The following MAMDC2 variants were observed in gnomAD, a reference collection of about 807,000 sequenced individuals.
MAMDC2 encodes MAM domain-containing protein 2.
In MAMDC2, 57 loss-of-function variants were observed where a neutral mutation model predicts 89.8. That is an observed-to-expected ratio of 0.63 (90% CI 0.51 to 0.79). The LOEUF (loss-of-function observed/expected upper bound fraction) is 0.79, where lower values mean the gene tolerates loss of function less well. Among genes scored for constraint, MAMDC2 ranks in the 30% least tolerant of loss-of-function variants. MAMDC2 has a pLI of 0.00. For synonymous variants in MAMDC2, 313 were observed against 293.4 expected (o/e 1.07, Z -0.68); for missense variants, 800 against 820.6 (o/e 0.97, Z 0.31).
chr9:70,074,590 C>A (rs1292235932), intron 2 of MAMDC2, among the ~76,000 whole-genome samples: 1 of 152,156 alleles, frequency 6.6e-6, no homozygotes, highest in Non-Finnish European at 1.5e-5. Context: ...TTCCCAGCCG[C>A]CACCAAGGCA....
chr9:70,139,966 T>C (rs1048848989), intron 7 of MAMDC2, among the ~76,000 whole-genome samples, 179 bp from the exon 8 acceptor site: 1 of 152,186 alleles, frequency 6.6e-6, no homozygotes, highest in Non-Finnish European at 1.5e-5. Context: ...TCCTGTCATG[T>C]TGAAATGTTG....
chr9:70,086,327 A>T (rs1827769982), intron 2 of MAMDC2: 1 of 152,184 alleles, frequency 6.6e-6, no homozygotes, highest in African/African-American at 2.4e-5. Flanking sequence ...TTATAAAGAA[A>T]AGCGAATCCA....
intron 2 of MAMDC2, among the ~76,000 whole-genome samples, chr9:70,101,295 T>A (rs1240555429): frequency 1.3e-5 from 2 of 152,128 alleles, no homozygotes; most frequent in African/African-American, 4.8e-5. Flanking sequence ...AATGTTAAAA[T>A]TTTTTTTAAT....
chr9:70,184,864 T>C (rs2032717736), intron 11 of MAMDC2, among the ~76,000 whole-genome samples: 1 of 152,184 alleles, frequency 6.6e-6, no homozygotes, highest in Non-Finnish European at 1.5e-5. Context: ...ACCTATCTTC[T>C]GAAGCCGACT....
At chr9:70,084,179 T>C (rs1361211470) in intron 2 of MAMDC2, among the ~76,000 whole-genome samples, 1 of 152,080 alleles carries the variant, frequency 6.6e-6, no homozygotes. Flanking sequence ...GGGAGACTCA[T>C]AACCCTTAAA....
chr9:70,137,104 CTT>C (rs1455240777), intron 7 of MAMDC2, among the ~76,000 whole-genome samples: 1 of 151,954 alleles, frequency 6.6e-6, no homozygotes, highest in African/African-American at 2.4e-5. Flanking sequence ...TATAGGAACA[CTT>C]TTTACCTAAT....
chr9:70,132,076 C>T (rs1400626282), intron 7 of MAMDC2, among the ~76,000 whole-genome samples: 1 of 152,194 alleles, frequency 6.6e-6, no homozygotes, highest in Non-Finnish European at 1.5e-5. Context: ...ATTTGGTAGA[C>T]ATCTCTAGAT....
chr9:70,160,908 A>G (rs2031948026), intron 9 of MAMDC2, among the ~76,000 whole-genome samples: 1 of 152,174 alleles, frequency 6.6e-6, no homozygotes, highest in African/African-American at 2.4e-5. Context: ...GTCCCATGCT[A>G]TTAACTGGGG....
intron 11 of MAMDC2, among the ~76,000 whole-genome samples, chr9:70,209,210 A>G (rs2033297921): frequency 6.6e-6 from 1 of 152,220 alleles, no homozygotes; most frequent in African/African-American, 2.4e-5. Context: ...GAATTGTACC[A>G]GCTCCTCTTT....
chr9:70,126,856 C>T (rs1243719234), intron 6 of MAMDC2, among the ~76,000 whole-genome samples: 4 of 149,658 alleles, frequency 2.7e-5, no homozygotes, highest in Non-Finnish European at 5.9e-5. Flanking sequence ...AAAAGTGACT[C>T]ATTTCTTTTT....
intron 2 of MAMDC2, among the ~76,000 whole-genome samples, chr9:70,068,265 C>T (rs1464022302): frequency 6.6e-6 from 1 of 152,140 alleles, no homozygotes; most frequent in Non-Finnish European, 1.5e-5. Context: ...GCACGATAAT[C>T]ACTCTGCATC....
At chr9:70,063,276 A>G (rs1376371128) in intron 2 of MAMDC2, 1 of 152,196 alleles carries the variant, frequency 6.6e-6, no homozygotes. Context: ...TAAATAGGCA[A>G]ACAACAGTAA....
At chr9:70,135,565 A>G (rs542822306) in intron 7 of MAMDC2, among the ~76,000 whole-genome samples, 44 of 152,200 alleles carry the variant, frequency 2.9e-4, no homozygotes, top group Middle Eastern at 3.4e-3. Flanking sequence ...TCAGAAAAAT[A>G]TTTTCTGTAT....
chr9:70,107,089 G>C (rs748309083), intron 2 of MAMDC2, among the ~76,000 whole-genome samples: 1 of 152,148 alleles, frequency 6.6e-6, no homozygotes, highest in African/African-American at 2.4e-5. Flanking sequence ...CAGGTTAAAT[G>C]ACAGCCATGA....
chr9:70,181,411 G>C (rs2118576338), intron 11 of MAMDC2, among the ~76,000 whole-genome samples: 1 of 152,248 alleles, frequency 6.6e-6, no homozygotes, highest in East Asian at 1.9e-4. Context: ...AGCTTGATGG[G>C]AATAGCATTG....
intron 5 of MAMDC2, among the ~76,000 whole-genome samples, chr9:70,122,337 A>G (rs949015767): frequency 1.3e-5 from 2 of 152,200 alleles, no homozygotes; most frequent in African/African-American, 4.8e-5. Context: ...CCTGAGCACA[A>G]GTTGCTAGTG....
intron 2 of MAMDC2, among the ~76,000 whole-genome samples, chr9:70,093,267 A>G (rs1472932866): frequency 6.6e-6 from 1 of 152,212 alleles, no homozygotes; most frequent in Non-Finnish European, 1.5e-5. Context: ...AAAACTGGTA[A>G]GATAGCATCT....
chr9:70,090,347 G>A (rs1827865068), intron 2 of MAMDC2, among the ~76,000 whole-genome samples: 1 of 151,920 alleles, frequency 6.6e-6, no homozygotes, highest in South Asian at 2.1e-4. Context: ...GGCCTGGTGT[G>A]GTGGCTCATG....
At chr9:70,050,180 T>C (rs1163774244) in intron 2 of MAMDC2, among the ~76,000 whole-genome samples, 1 of 152,216 alleles carries the variant, frequency 6.6e-6, no homozygotes, top group Non-Finnish European at 1.5e-5. Context: ...GTAACATGTA[T>C]TCACTCTTTC....
Sources: allele counts gnomAD v4.1 joint callset (sites outside exome capture counted in the v4.1 genomes callset), GRCh38; gene constraint gnomAD v4.1.1; transcripts MANE v1.5; gene names NCBI Gene and HGNC (gene_info 2026-07-23, HGNC 2026-07-21).